Variants in PARD3B observed in about 807,000 individuals in gnomAD.
PARD3B encodes the protein partitioning defective 3 homolog B.
In PARD3B, 103 loss-of-function variants were observed where a neutral mutation model predicts 130.2. That is an observed-to-expected ratio of 0.79 (90% CI 0.67 to 0.93). The LOEUF is 0.93. Ranked by LOEUF, PARD3B falls within the 40% of genes least tolerant of loss-of-function variation. The pLI is 0.00. For synonymous variants in PARD3B, 583 were observed against 553.2 expected (o/e 1.05, Z -0.76); for missense variants, 1,609 against 1,499.2 (o/e 1.07, Z -1.21).
At chr2:205,071,473 T>G (rs1274513482) in intron 4 of PARD3B, among the ~76,000 whole-genome samples, 1 of 152,312 alleles carries the variant, frequency 6.6e-6, no homozygotes. Flanking sequence ...AATCCAGAGT[T>G]GAAATCAATG....
intron 19 of PARD3B, among the ~76,000 whole-genome samples, chr2:205,419,860 A>G (rs2046906262): frequency 1.3e-5 from 2 of 152,220 alleles, no homozygotes; most frequent in Non-Finnish European, 1.5e-5. Flanking sequence ...CTCAAGGGTT[A>G]CAGGATGAAA....
rs1420735737 is a variant in PARD3B at position 205,525,705 on chromosome 2, C to T, written c.3180+25674C>T. ...ACATGAGACCCAGCATTATCGAAGG[C>T]TTATCCTTTCTCACACTGAACTAAT... On this transcript the variant is annotated intron_variant, in intron 21 of 22. Coordinates refer to ENST00000406610, the MANE Select transcript of PARD3B (RefSeq NM_001302769.2). The surrounding 1 kb of genome is among the most constrained non-coding windows in gnomAD (Gnocchi z 4.2). 1.3e-5 allele frequency among the ~76,000 whole-genome samples: 2 copies of T among 152,134 alleles called. No individual in the cohort carries two copies. The highest frequency in any genetic ancestry group is 2.4e-5 in the African/African-American group (1 of 41,430).
chr2:205,410,329 A>G (rs2046554379), intron 19 of PARD3B, among the ~76,000 whole-genome samples: 1 of 152,160 alleles, frequency 6.6e-6, no homozygotes, highest in Admixed American at 6.6e-5. Flanking sequence ...TGAGAAGAGC[A>G]TTTTCTGTGA....
chr2:204,857,278 G>C (rs1050648990), intron 2 of PARD3B, among the ~76,000 whole-genome samples: 3 of 152,010 alleles, frequency 2.0e-5, no homozygotes, highest in African/African-American at 7.3e-5. Flanking sequence ...TACATTTTAG[G>C]GGAGAGCCTT....
At chr2:205,431,158 C>A (rs901290706) in intron 19 of PARD3B, among the ~76,000 whole-genome samples, 1 of 152,252 alleles carries the variant, frequency 6.6e-6, no homozygotes. Context: ...CTCACTGCAA[C>A]CTCCACCTTC....
chr2:204,739,725 A>G (rs1289504900), intron 2 of PARD3B, among the ~76,000 whole-genome samples: 2 of 152,172 alleles, frequency 1.3e-5, no homozygotes, highest in South Asian at 2.1e-4. Context: ...TGCAGGGATT[A>G]CAGGTGTGAG....
chr2:205,593,246 A>C (rs896674127), intron 22 of PARD3B, among the ~76,000 whole-genome samples: 3 of 151,962 alleles, frequency 2.0e-5, no homozygotes, highest in Non-Finnish European at 2.9e-5. Flanking sequence ...AATACTAGAG[A>C]ACAACAAGTA....
At chr2:204,651,436 T>C (rs1350968015) in intron 1 of PARD3B, among the ~76,000 whole-genome samples, 1 of 152,226 alleles carries the variant, frequency 6.6e-6, no homozygotes, top group Non-Finnish European at 1.5e-5. Context: ...CTCCGTTAAC[T>C]CTGTGTCTCA....
intron 15 of PARD3B, among the ~76,000 whole-genome samples, chr2:205,235,513 T>G (rs2039023505): frequency 6.6e-6 from 1 of 152,132 alleles, no homozygotes; most frequent in Non-Finnish European, 1.5e-5. Flanking sequence ...TGCCTGAAAC[T>G]GAGTATAGTT....
At chr2:205,302,651 C>G (rs2042051461) in intron 18 of PARD3B, among the ~76,000 whole-genome samples, 1 of 152,138 alleles carries the variant, frequency 6.6e-6, no homozygotes, top group Non-Finnish European at 1.5e-5. Flanking sequence ...GCAGGGGAGT[C>G]AGGGTAGATG....
intron 18 of PARD3B, among the ~76,000 whole-genome samples, chr2:205,377,956 A>G (rs966052810): frequency 2.6e-5 from 4 of 151,884 alleles, no homozygotes; most frequent in African/African-American, 9.7e-5. Flanking sequence ...TTTTTAGTAG[A>G]GACGTGGTTT....
chr2:204,833,499 T>A (rs1258223934), intron 2 of PARD3B, among the ~76,000 whole-genome samples: 1 of 152,010 alleles, frequency 6.6e-6, no homozygotes, highest in Non-Finnish European at 1.5e-5. Flanking sequence ...CCCACCCAAT[T>A]CTTATCTTGA....
chr2:204,906,127 A>C lies in PARD3B; in HGVS notation c.223-59025A>C, dbSNP rs1016823972. ...GGTAGTTTGTGATTGATGTAGTGCC[A>C]ACTCTTATTTCTCATCTGGACTGGG... On this transcript the variant is annotated intron_variant, in intron 2 of 22. Coordinates refer to ENST00000406610, the MANE Select transcript of PARD3B (RefSeq NM_001302769.2). The surrounding 1 kb of genome is among the most constrained non-coding windows in gnomAD (Gnocchi z 4.3). 2.6e-5 allele frequency among the ~76,000 whole-genome samples: 4 copies of C among 152,186 alleles called. No homozygotes were observed. Among genetic ancestry groups the C allele is most frequent in the Non-Finnish European group, 5.9e-5 (4 of 68,014 alleles).
At position 205,557,185 on chromosome 2, in the gene PARD3B, T is replaced by G. The variant is rs1378371844; in HGVS notation, c.3260+3782T>G. On this transcript the variant is annotated intron_variant, in intron 22 of 22. Coordinates refer to ENST00000406610, the MANE Select transcript of PARD3B (RefSeq NM_001302769.2). ...TCCTACATGCGTGGGCGGCAAAAGGTTGCTGGAGAGACTCGTAAAACTGCA... is the reference window on the plus strand; with the variant it reads ...TCCTACATGCGTGGGCGGCAAAAGGGTGCTGGAGAGACTCGTAAAACTGCA... Among the ~76,000 whole-genome samples, 4 of 152,230 alleles carry G rather than the reference T, an allele frequency of 2.6e-5. No homozygotes were observed. The East Asian group carries it at 7.7e-4, about 29-fold the overall frequency.
chr2:205,254,957 C>G (rs1334574289), intron 16 of PARD3B, among the ~76,000 whole-genome samples: 1 of 152,058 alleles, frequency 6.6e-6, no homozygotes, highest in Non-Finnish European at 1.5e-5. Context: ...AGCCACCGCG[C>G]CCGGCCGAAG....
At chr2:205,186,330 T>C (rs1383159556) in intron 14 of PARD3B, among the ~76,000 whole-genome samples, 1 of 152,038 alleles carries the variant, frequency 6.6e-6, no homozygotes, top group Non-Finnish European at 1.5e-5. Flanking sequence ...TTGAAGAGGG[T>C]ACCCAATATT....
At chr2:204,750,312 G>T (rs1475695792) in intron 2 of PARD3B, among the ~76,000 whole-genome samples, 2 of 152,184 alleles carry the variant, frequency 1.3e-5, no homozygotes, top group Non-Finnish European at 2.9e-5. Flanking sequence ...GCCTGGTGCT[G>T]TGACTCACGC....
At chr2:205,197,229 G>T (rs371279656) in intron 15 of PARD3B, among the ~76,000 whole-genome samples, 4 of 152,132 alleles carry the variant, frequency 2.6e-5, no homozygotes, top group South Asian at 4.1e-4. Context: ...AAGAATGAAT[G>T]TTTAATTTTA....
At chr2:205,133,849 T>C (rs2032238876) in intron 10 of PARD3B, among the ~76,000 whole-genome samples, 1 of 152,224 alleles carries the variant, frequency 6.6e-6, no homozygotes, top group Non-Finnish European at 1.5e-5. Flanking sequence ...ACACTCAATT[T>C]GATTGTGCTC....
Sources: gnomAD v4.1 joint callset for allele counts (sites outside exome capture counted in the v4.1 genomes callset) on GRCh38, gnomAD v4.1.1 for gene constraint, Gnocchi (gnomAD v3.1) non-coding constraint, MANE v1.5 for transcripts, NCBI Gene and HGNC (gene_info 2026-07-23, HGNC 2026-07-21) for gene names.